CRIM1: variants seen among roughly 807,000 people sequenced by gnomAD.
CRIM1 encodes cysteine-rich motor neuron 1 protein.
A neutral mutation model predicts 116.4 loss-of-function variants in CRIM1; 32 were observed. That is an observed-to-expected ratio of 0.27 (90% CI 0.21 to 0.37). CRIM1 has a LOEUF of 0.37. Among genes scored for constraint, CRIM1 ranks in the 10% least tolerant of loss-of-function variants. The probability of loss-of-function intolerance (pLI) is 1.00; values close to 1 mark genes in which losing one functional copy is unlikely to be tolerated. For missense variants in CRIM1, 1,331 were observed against 1,354.8 expected, an observed-to-expected ratio of 0.98 and a Z score of 0.28; for synonymous variants, 590 against 509.2, an observed-to-expected ratio of 1.16 and a Z score of -2.13.
chr2:36,528,733 G>A (rs536903351), intron 13 of CRIM1, among the ~76,000 whole-genome samples: 2 of 152,258 alleles, frequency 1.3e-5, no homozygotes, highest in African/African-American at 4.8e-5. Context: ...TGAAAGAAGG[G>A]GAAACAGGAT....
At chr2:36,503,403 CTAAA>C (rs960686636) in intron 8 of CRIM1, among the ~76,000 whole-genome samples, 9 of 150,876 alleles carry the variant, frequency 6.0e-5, no homozygotes, top group Admixed American at 3.3e-4. Flanking sequence ...ATTTTGAGGA[CTAAA>C]TAAATGAATG....
chr2:36,396,280 A>G (rs1227476566), intron 1 of CRIM1, among the ~76,000 whole-genome samples: 1 of 152,222 alleles, frequency 6.6e-6, no homozygotes, highest in Non-Finnish European at 1.5e-5. Context: ...TTGAACATGA[A>G]AAAACCCAGG....
chr2:36,368,480 G>A (rs1669741363), intron 1 of CRIM1, among the ~76,000 whole-genome samples: 1 of 152,186 alleles, frequency 6.6e-6, no homozygotes, highest in Non-Finnish European at 1.5e-5. Context: ...ATGAACCTGC[G>A]GCTCTAAAAC....
At chr2:36,367,975 C>A (rs1289311729) in intron 1 of CRIM1, among the ~76,000 whole-genome samples, 3 of 152,130 alleles carry the variant, frequency 2.0e-5, no homozygotes, top group Non-Finnish European at 4.4e-5. Flanking sequence ...GAAGCTAGAG[C>A]GAAGACAGGC....
intron 12 of CRIM1, among the ~76,000 whole-genome samples, chr2:36,518,162 A>C (rs1234788413): frequency 1.3e-5 from 2 of 152,248 alleles, no homozygotes; most frequent in Non-Finnish European, 2.9e-5. Context: ...GAAACTTGTT[A>C]GAAGGAAATT....
chr2:36,530,696 C>G (rs749130139), intron 13 of CRIM1, among the ~76,000 whole-genome samples: 5 of 152,204 alleles, frequency 3.3e-5, no homozygotes, highest in Admixed American at 3.3e-4. Context: ...GCTCCCCTTT[C>G]TAAATCTCAT....
At chr2:36,457,596 A>G (rs1170680168) in intron 4 of CRIM1, among the ~76,000 whole-genome samples, 1 of 151,984 alleles carries the variant, frequency 6.6e-6, no homozygotes, top group African/African-American at 2.4e-5. Flanking sequence ...AAGGAGGGTT[A>G]GTTATTCATA....
intron 2 of CRIM1, among the ~76,000 whole-genome samples, chr2:36,408,803 G>A (rs1235402429): frequency 2.6e-5 from 4 of 151,584 alleles, no homozygotes; most frequent in Non-Finnish European, 5.9e-5. Flanking sequence ...AAAAAAAAAA[G>A]TCTGTGCAAG....
chr2:36,514,781 C>G (rs1222422365), intron 11 of CRIM1, among the ~76,000 whole-genome samples: 1 of 152,160 alleles, frequency 6.6e-6, no homozygotes, highest in African/African-American at 2.4e-5. Flanking sequence ...GGAAACTGAC[C>G]TTGTTCGCCA....
chr2:36,513,504 T>C lies in CRIM1; in HGVS notation c.1781-52T>C, dbSNP rs1664828521. 3 of 1,475,680 alleles carry C rather than the reference T, an allele frequency of 2.0e-6. No homozygotes were observed. The Admixed American group carries it at 5.0e-5, about 25-fold the overall frequency. 91.4% of individuals were successfully genotyped at this position (1,475,680 alleles called of 1,614,324 possible). ...GTCCATGTACAGACTCTGTAGCCTGTTTCTCCTGTGCAGTAGCCACTTCTT... is the reference window on the plus strand; with the variant it reads ...GTCCATGTACAGACTCTGTAGCCTGCTTCTCCTGTGCAGTAGCCACTTCTT... On this transcript the variant is annotated intron_variant, in intron 10 of 16. Transcript: ENST00000280527.
intron 15 of CRIM1, among the ~76,000 whole-genome samples, chr2:36,545,327 G>C (rs1315025457): frequency 6.6e-6 from 1 of 152,100 alleles, no homozygotes. Flanking sequence ...TTGGCTCTCT[G>C]TATAATTGTT....
At chr2:36,360,357 A>C (rs1244996944) in intron 1 of CRIM1, among the ~76,000 whole-genome samples, 2 of 152,118 alleles carry the variant, frequency 1.3e-5, no homozygotes, top group African/African-American at 4.8e-5. Flanking sequence ...TCAGATAAGC[A>C]CCAATTTTTT....
chr2:36,356,382 C>G lies in CRIM1; in HGVS notation c.90C>G (p.Ser30=). The change falls in exon 1 of 17, where the codon TCC becomes TCG. Residue 30 remains serine (S), a synonymous_variant. Coordinates refer to ENST00000280527, the MANE Select transcript of CRIM1 (RefSeq NM_016441.3). The surrounding 1 kb of genome is among the most constrained non-coding windows in gnomAD (Gnocchi z 4.3). ...GGCTGCTGCTGCTGCTGGCGCGCTCCGGCACCCGGGCGCTGGTCTGCCTGC... is the reference window on the plus strand; with the variant it reads ...GGCTGCTGCTGCTGCTGGCGCGCTCGGGCACCCGGGCGCTGGTCTGCCTGC... ...LLGLLLLLAR[S]GTRALVCLPC... The G allele has an allele frequency of 6.3e-7, 1 of 1,598,058 alleles. No homozygotes were observed. Among genetic ancestry groups the G allele is most frequent in the Non-Finnish European group, 8.5e-7 (1 of 1,174,498 alleles).
chr2:36,466,034 C>G (rs1440332639), intron 5 of CRIM1, among the ~76,000 whole-genome samples: 3 of 118,288 alleles, frequency 2.5e-5, no homozygotes, highest in Non-Finnish European at 5.6e-5. Context: ...TACAGGCGCC[C>G]GCCACCACAC....
chr2:36,502,071 TTCTAAAAAG>T (rs924064749), intron 8 of CRIM1, among the ~76,000 whole-genome samples: 2 of 152,210 alleles, frequency 1.3e-5, no homozygotes, highest in Non-Finnish European at 2.9e-5. Flanking sequence ...TTTTCTGAGT[TTCTAAAAAG>T]TCTAAAAATA....
intron 4 of CRIM1, among the ~76,000 whole-genome samples, chr2:36,462,076 T>C (rs1287335836): frequency 6.6e-6 from 1 of 152,198 alleles, no homozygotes; most frequent in Non-Finnish European, 1.5e-5. Flanking sequence ...AAAACCAGGA[T>C]CTTTATTATG....
intron 9 of CRIM1, among the ~76,000 whole-genome samples, chr2:36,511,491 T>G (rs1473873051): frequency 6.6e-6 from 1 of 152,346 alleles, no homozygotes; most frequent in East Asian, 1.9e-4. Context: ...ACTGCTCATA[T>G]AAAATGAAGT....
chr2:36,421,304 A>C (rs1453048106), intron 2 of CRIM1, among the ~76,000 whole-genome samples: 1 of 152,224 alleles, frequency 6.6e-6, no homozygotes, highest in East Asian at 1.9e-4. Context: ...ATGTCATGAA[A>C]CAAAAGGCTT....
At chr2:36,513,879 T>C in intron 11 of CRIM1, 114 bp downstream of exon 11, 2 of 857,412 alleles carry the variant, frequency 2.3e-6, no homozygotes, top group Non-Finnish European at 1.8e-6. Context: ...TGGAACACTT[T>C]TCAGCACTGT....
Sources: allele counts gnomAD v4.1 joint callset (sites outside exome capture counted in the v4.1 genomes callset), GRCh38; gene constraint gnomAD v4.1.1; non-coding constraint Gnocchi (gnomAD v3.1); transcripts MANE v1.5; gene names NCBI Gene and HGNC (gene_info 2026-07-23, HGNC 2026-07-21).